Variants in CDKAL1 observed in about 807,000 individuals in gnomAD.
CDKAL1 encodes the protein threonylcarbamoyladenosine tRNA methylthiotransferase.
In CDKAL1, 32 loss-of-function variants were observed where a neutral mutation model predicts 68.2. The ratio of observed to expected loss-of-function variants is 0.47; its 90% CI spans 0.35 to 0.63. The LOEUF is 0.63. CDKAL1 is among the 30% of genes least tolerant of loss of function. The pLI is 0.00. For synonymous variants in CDKAL1, 234 were observed against 244.3 expected (o/e 0.96, Z 0.39); for missense variants, 606 against 696.7 (o/e 0.87, Z 1.47).
At chr6:20,952,663 CT>C (rs1353737607) in intron 9 of CDKAL1, among the ~76,000 whole-genome samples, 2 of 152,252 alleles carry the variant, frequency 1.3e-5, no homozygotes, top group African/African-American at 4.8e-5. Context: ...TAGGCAAGCA[CT>C]TCTGTCCGTA....
intron 8 of CDKAL1, among the ~76,000 whole-genome samples, chr6:20,805,175 G>A (rs1435794941): frequency 6.6e-6 from 1 of 152,206 alleles, no homozygotes; most frequent in Admixed American, 6.5e-5. Context: ...AGCACAGGAA[G>A]CCTGTGCACA....
In CDKAL1 at chr6:20,916,443, G is replaced by C. The variant is rs116778742; in HGVS notation, c.743-38976G>C. ...ATGTTAGAGAAGTCACTGATAAATG[G>C]CAAATAGGTGGGCAGAAGGCAGAAG... is the stretch of plus-strand genomic sequence containing the variant. On this transcript the variant is annotated intron_variant, in intron 9 of 15. Transcript: ENST00000274695. 4.2e-3 allele frequency among the ~76,000 whole-genome samples: 638 copies of C among 152,266 alleles called. 5 individuals are homozygous for C. Among genetic ancestry groups the C allele is most frequent in the African/African-American group, 0.015 (608 of 41,548 alleles).
chr6:21,108,108 T>C (rs1026696407), intron 12 of CDKAL1, among the ~76,000 whole-genome samples: 1 of 152,220 alleles, frequency 6.6e-6, no homozygotes, highest in Non-Finnish European at 1.5e-5. Context: ...CATTTTAGTC[T>C]GTTATGTATT....
chr6:20,877,742 C>T (rs4236004), intron 9 of CDKAL1, among the ~76,000 whole-genome samples: 145,966 of 152,282 alleles, frequency 0.96, 69,968 homozygotes, highest in East Asian at 1. Flanking sequence ...GAATTATGTC[C>T]TCCTTCTCCT....
In CDKAL1 at chr6:20,639,179, G is replaced by A. The variant is rs150222166; in HGVS notation, c.287-10114G>A. On this transcript the variant is annotated intron_variant, in intron 4 of 15. Coordinates refer to ENST00000274695, the MANE Select transcript of CDKAL1 (RefSeq NM_017774.3). ...TATTTTTCATTTAAAAGAAAAAATC[G>A]TCTTTCATATAATGAACAGACTTCA... Among the ~76,000 whole-genome samples, 875 of 152,176 alleles carry A rather than the reference G, an allele frequency of 5.7e-3. 2 individuals carry two copies. Among genetic ancestry groups the A allele is most frequent in the Non-Finnish European group, 9.2e-3 (627 of 67,988 alleles).
chr6:21,224,636 G>A (rs559926335), intron 15 of CDKAL1, among the ~76,000 whole-genome samples: 4 of 152,296 alleles, frequency 2.6e-5, no homozygotes, highest in Admixed American at 6.5e-5. Flanking sequence ...GAAAGGGCAA[G>A]GAATCAGATT....
At chr6:20,721,707 G>T (rs1772369199) in intron 5 of CDKAL1, among the ~76,000 whole-genome samples, 1 of 141,960 alleles carries the variant, frequency 7.0e-6, no homozygotes, top group Admixed American at 7.2e-5. Context: ...CTTCTTCTCT[G>T]CACCCTGACC....
intron 5 of CDKAL1, among the ~76,000 whole-genome samples, chr6:20,699,747 A>G (rs1771259649): frequency 6.6e-6 from 1 of 152,188 alleles, no homozygotes; most frequent in Non-Finnish European, 1.5e-5. Flanking sequence ...AGCTGTAGCG[A>G]GAAGACCATT....
In CDKAL1 at chr6:20,742,426, G is replaced by A. The variant is rs75745593; in HGVS notation, c.468+2811G>A. 0.014 allele frequency among the ~76,000 whole-genome samples: 2,150 copies of A among 150,708 alleles called. 94 individuals carry two copies. The East Asian group carries it at 0.18, about 13-fold the overall frequency. ...TAGAAATAAAATCTATATTTCTATC[G>A]CCATAATGCATTTAAAATTTTGCTT... On this transcript the variant is annotated intron_variant, in intron 6 of 15. Coordinates refer to ENST00000274695, the MANE Select transcript of CDKAL1 (RefSeq NM_017774.3).
intron 4 of CDKAL1, among the ~76,000 whole-genome samples, chr6:20,641,072 T>C (rs1290775590): frequency 6.6e-6 from 1 of 152,256 alleles, no homozygotes; most frequent in Non-Finnish European, 1.5e-5. Flanking sequence ...CAATAGTTTA[T>C]TTCTTTTGTT....
chr6:20,837,937 TTGTG>T (rs531904726), intron 8 of CDKAL1, among the ~76,000 whole-genome samples: 2,115 of 123,164 alleles, frequency 0.017, 36 homozygotes, highest in Middle Eastern at 0.052. Context: ...TGGGAAGAAA[TTGTG>T]TGTGTGTGTG....
intron 5 of CDKAL1, among the ~76,000 whole-genome samples, chr6:20,733,977 C>T (rs1432743372): frequency 5.9e-5 from 9 of 151,626 alleles, no homozygotes; most frequent in East Asian, 3.9e-4. Flanking sequence ...GGTGAAACCC[C>T]GTCTCTACTA....
chr6:20,617,089 G>T (rs1372974870), intron 4 of CDKAL1, among the ~76,000 whole-genome samples: 1 of 151,162 alleles, frequency 6.6e-6, no homozygotes, highest in South Asian at 2.1e-4. Flanking sequence ...GAAAAACCAC[G>T]GGGGGCTTAA....
intron 8 of CDKAL1, among the ~76,000 whole-genome samples, chr6:20,806,829 A>G (rs1357036939): frequency 3.3e-5 from 5 of 152,188 alleles, no homozygotes; most frequent in African/African-American, 4.8e-5. Context: ...GGATATTTAC[A>G]AGGAAATTAA....
At chr6:20,777,448 A>G (rs943066505) in intron 7 of CDKAL1, among the ~76,000 whole-genome samples, 1 of 152,072 alleles carries the variant, frequency 6.6e-6, no homozygotes, top group Non-Finnish European at 1.5e-5. Flanking sequence ...CCTCATCTCT[A>G]TAAAAAAAAT....
chr6:20,820,533 T>C (rs1161393730), intron 8 of CDKAL1, among the ~76,000 whole-genome samples: 4 of 152,180 alleles, frequency 2.6e-5, no homozygotes, highest in African/African-American at 7.2e-5. Context: ...AACTTGCTTT[T>C]GATGCGATTT....
At chr6:21,077,137 T>C (rs74682703) in intron 12 of CDKAL1, among the ~76,000 whole-genome samples, 10 of 131,990 alleles carry the variant, frequency 7.6e-5, no homozygotes, top group Non-Finnish European at 1.1e-4. Flanking sequence ...TTTCAACCTA[T>C]ATATATAGAA....
chr6:21,183,651 G>A (rs1176699004), intron 13 of CDKAL1, among the ~76,000 whole-genome samples: 1 of 152,176 alleles, frequency 6.6e-6, no homozygotes, highest in Non-Finnish European at 1.5e-5. Context: ...GAAGATGTGT[G>A]TGAAGTTGGA....
chr6:20,880,963 C>A (rs933171194), intron 9 of CDKAL1, among the ~76,000 whole-genome samples: 2 of 152,216 alleles, frequency 1.3e-5, no homozygotes, highest in African/African-American at 4.8e-5. Flanking sequence ...GTCATCCAGG[C>A]ATCTTCCTTT....
Sources: allele counts gnomAD v4.1 joint callset (sites outside exome capture counted in the v4.1 genomes callset), GRCh38; gene constraint gnomAD v4.1.1; transcripts MANE v1.5; gene names NCBI Gene and HGNC (gene_info 2026-07-23, HGNC 2026-07-21).